The following TMEM161B variants were observed in gnomAD, a reference collection of about 807,000 sequenced individuals.
TMEM161B encodes transmembrane protein 161B.
Under a neutral mutation model 61.8 loss-of-function variants are expected in TMEM161B, and 34 were observed. That is an observed-to-expected ratio of 0.55 (90% CI 0.42 to 0.73). The LOEUF (loss-of-function observed/expected upper bound fraction) is 0.73, where lower values mean the gene tolerates loss of function less well. Ranked by LOEUF, TMEM161B falls within the 30% of genes least tolerant of loss-of-function variation. TMEM161B has a pLI of 0.00. For synonymous variants in TMEM161B, 167 were observed against 192.8 expected, an observed-to-expected ratio of 0.87 and a Z score of 1.11; for missense variants, 456 against 558.5, an observed-to-expected ratio of 0.82 and a Z score of 1.85.
chr5:88,207,216 A>G (rs758721338), intron 5 of TMEM161B, 36 bp from the exon 6 acceptor site: 1 of 1,579,898 alleles, frequency 6.3e-7, no homozygotes, highest in Non-Finnish European at 8.6e-7. Flanking sequence ...ACCACAATAA[A>G]TTTATAGGAG....
At chr5:88,238,369 T>C (rs1405080991) in intron 2 of TMEM161B, among the ~76,000 whole-genome samples, 1 of 152,102 alleles carries the variant, frequency 6.6e-6, no homozygotes, top group East Asian at 1.9e-4. Context: ...TTATTTACAA[T>C]TTAGGATACC....
In TMEM161B at chr5:88,220,566, G is replaced by A; in HGVS notation, c.443C>T (p.Ala148Val). 1 of 1,562,778 alleles carries A rather than the reference G, an allele frequency of 6.4e-7. No homozygotes were observed. The change falls in exon 5 of 12, where the codon GCA (alanine) becomes GTA (valine). Residue 148 changes from alanine (A) to valine (V), a missense_variant. Coordinates refer to ENST00000296595, the MANE Select transcript of TMEM161B (RefSeq NM_153354.5). ...LVWCLLVLSF[A>V]IKVLFSLTTH... is the part of the protein sequence containing the mutation. Reference sequence around the variant, plus strand: ...TTAATGATGTTTTGAAGGATACATTGCAAAAGACAAAACAAGTAGGCACCA... The same window carrying A: ...TTAATGATGTTTTGAAGGATACATTACAAAAGACAAAACAAGTAGGCACCA...
At chr5:88,186,480 C>T (rs1419492683), downstream of TMEM161B, among the ~76,000 whole-genome samples, 1 of 151,938 alleles carries the variant, frequency 6.6e-6, no homozygotes, top group Non-Finnish European at 1.5e-5. Flanking sequence ...AATGTCTCAC[C>T]CATTTCCTAA....
intron 9 of TMEM161B, chr5:88,200,403 C>G (rs1410358228): frequency 6.6e-6 from 1 of 152,068 alleles, no homozygotes; most frequent in Non-Finnish European, 1.5e-5. Context: ...TACCCACAGC[C>G]TTGACCCTTT....
exon 13 of TMEM161B, chr5:88,189,938 C>A (rs1748614379): frequency 3.2e-6 from 2 of 629,476 alleles, no homozygotes; most frequent in South Asian, 1.9e-5. Context: ...AGGCAGCATG[C>A]AGTTTCCATG....
chr5:88,252,833 G>C (rs765521843), intron 1 of TMEM161B, among the ~76,000 whole-genome samples: 11 of 152,276 alleles, frequency 7.2e-5, no homozygotes, highest in Admixed American at 1.3e-4. Context: ...TAATAAGTTT[G>C]TAAGAGTTTT....
intron 1 of TMEM161B, among the ~76,000 whole-genome samples, chr5:88,260,998 T>C (rs542534609): frequency 8.1e-4 from 123 of 152,300 alleles, no homozygotes; most frequent in South Asian, 1.7e-3. Context: ...TGAGTTGTAA[T>C]TGTATTCTCT....
At chr5:88,226,569 G>A (rs1297510043) in intron 3 of TMEM161B, among the ~76,000 whole-genome samples, 2 of 151,968 alleles carry the variant, frequency 1.3e-5, no homozygotes, top group East Asian at 3.8e-4. Context: ...GGGACTACAG[G>A]TACACACCCC....
chr5:88,216,769 T>G (rs761870927), intron 5 of TMEM161B, among the ~76,000 whole-genome samples: 16 of 152,188 alleles, frequency 1.1e-4, no homozygotes, highest in Non-Finnish European at 1.9e-4. Context: ...AAGACATGCA[T>G]TTCCTCTGCT....
chr5:88,191,979 A>AAGT (rs1170885093), downstream of TMEM161B, among the ~76,000 whole-genome samples: 1 of 42,232 alleles, frequency 2.4e-5, no homozygotes, highest in African/African-American at 8.6e-5. Context: ...AAAAAAAAAA[A>AAGT]GTGTATATAT....
rs187656738 is a variant in TMEM161B, at chr5:88,237,067, G to A, written c.107+3746C>T. ...TGTGAATCAGACTTTCAGGATAAGA[G>A]GTCTGGATCTGTTTCATTTATCAGT... On this transcript the variant is annotated intron_variant, in intron 2 of 11. Coordinates refer to ENST00000296595, the MANE Select transcript of TMEM161B (RefSeq NM_153354.5). Among the ~76,000 whole-genome samples the A allele has an allele frequency of 2.6e-5, 4 of 152,210 alleles. No individual in the cohort carries two copies. In the East Asian group the frequency reaches 7.8e-4, roughly 29 times the overall value.
intron 11 of TMEM161B, 82 bp downstream of exon 11, chr5:88,197,587 C>T (rs1372444640): frequency 2.6e-6 from 3 of 1,148,544 alleles, no homozygotes; most frequent in African/African-American, 3.2e-5. Flanking sequence ...TTAAGAGTTG[C>T]ATTTCTTTGT....
At chr5:88,208,720 A>G (rs145820827) in intron 5 of TMEM161B, among the ~76,000 whole-genome samples, 4 of 152,318 alleles carry the variant, frequency 2.6e-5, no homozygotes, top group African/African-American at 4.8e-5. Flanking sequence ...AAATATCAAA[A>G]TCACAGCTAG....
chr5:88,193,036 A>AATT (rs1281218143), downstream of TMEM161B, among the ~76,000 whole-genome samples: 25 of 152,194 alleles, frequency 1.6e-4, no homozygotes, highest in African/African-American at 5.3e-4. Context: ...AGAAACAATA[A>AATT]GACAATGAGC....
At chr5:88,250,867 C>T (rs543524480) in intron 1 of TMEM161B, 1 of 152,272 alleles carries the variant, frequency 6.6e-6, no homozygotes, top group Admixed American at 6.5e-5. Flanking sequence ...CTTGGACAAG[C>T]CCCTAAATGT....
intron 8 of TMEM161B, among the ~76,000 whole-genome samples, chr5:88,204,270 A>G (rs139130686): frequency 6.6e-6 from 1 of 152,266 alleles, no homozygotes; most frequent in East Asian, 1.9e-4. Context: ...ACACCCTTGT[A>G]TCAAGGCAGA....
downstream of TMEM161B, among the ~76,000 whole-genome samples, chr5:88,194,206 C>T (rs999968318): frequency 8.5e-5 from 13 of 152,136 alleles, no homozygotes; most frequent in African/African-American, 2.9e-4. Flanking sequence ...TCCATGAGTA[C>T]TCATTGTTCA....
At chr5:88,259,465 AACTCACTAAGTG>A (rs1755419934) in intron 1 of TMEM161B, 1 of 152,224 alleles carries the variant, frequency 6.6e-6, no homozygotes, top group East Asian at 1.9e-4. Flanking sequence ...GAACAAGTGT[AACTCACTAAGTG>A]CTTACACTGA....
At chr5:88,217,674 A>G (rs1458114942) in intron 5 of TMEM161B, among the ~76,000 whole-genome samples, 1 of 152,198 alleles carries the variant, frequency 6.6e-6, no homozygotes, top group Admixed American at 6.5e-5. Context: ...CCACATCTGA[A>G]GCAAGTATGG....
Sources: allele counts gnomAD v4.1 joint callset (sites outside exome capture counted in the v4.1 genomes callset), GRCh38; gene constraint gnomAD v4.1.1; transcripts MANE v1.5; gene names NCBI Gene and HGNC (gene_info 2026-07-23, HGNC 2026-07-21).